The following SORCS2 variants were observed in gnomAD, a reference collection of about 807,000 sequenced individuals.
SORCS2 encodes VPS10 domain-containing receptor SorCS2.
SORCS2 carries 100 observed loss-of-function variants against 141.6 expected under a neutral mutation model. That is an observed-to-expected ratio of 0.71 (90% CI 0.60 to 0.83). SORCS2 has a LOEUF of 0.83. Ranked by LOEUF, SORCS2 falls within the 40% of genes least tolerant of loss-of-function variation. SORCS2 has a pLI of 0.00. For synonymous variants in SORCS2, 789 were observed against 676.9 expected, an observed-to-expected ratio of 1.17 and a Z score of -2.57; for missense variants, 1,646 against 1,560.2, an observed-to-expected ratio of 1.05 and a Z score of -0.93.
At chr4:7,371,264 G>A (rs974137903) in intron 1 of SORCS2, among the ~76,000 whole-genome samples, 3 of 152,078 alleles carry the variant, frequency 2.0e-5, no homozygotes, top group Admixed American at 6.5e-5. Context: ...GGCCCGTCCC[G>A]CAGCTGCCTG....
At chr4:7,335,808 T>G (rs1719946454) in intron 1 of SORCS2, among the ~76,000 whole-genome samples, 1 of 152,170 alleles carries the variant, frequency 6.6e-6, no homozygotes, top group Non-Finnish European at 1.5e-5. Context: ...CAGGCCCAAG[T>G]GGCTTAGATC....
intron 3 of SORCS2, among the ~76,000 whole-genome samples, chr4:7,555,583 C>T (rs757818996): frequency 2.0e-5 from 3 of 152,192 alleles, no homozygotes; most frequent in African/African-American, 2.4e-5. Context: ...GGTTGGGTAT[C>T]GGATGAAAAC....
rs946254488 is a variant in SORCS2 at position 7,519,126 on chromosome 4, A to G, written c.549-12404A>G. Among the ~76,000 whole-genome samples the G allele has an allele frequency of 6.6e-5, 10 of 152,214 alleles. 1 individual carries two copies. The highest frequency in any genetic ancestry group is 1.2e-4 in the Non-Finnish European group (8 of 68,038). Reference sequence around the variant, plus strand: ...CTCGCAGAGCAGCTGTAGAGCAGGCATATCTGCTGGAGGTTGACAAGGCTC... The same window carrying G: ...CTCGCAGAGCAGCTGTAGAGCAGGCGTATCTGCTGGAGGTTGACAAGGCTC... On this transcript the variant is annotated intron_variant, in intron 2 of 26. Transcript: ENST00000507866.
rs1018274338 is a variant in SORCS2, at chr4:7,201,599, C to T, written c.480+8473C>T. Among the ~76,000 whole-genome samples the T allele has an allele frequency of 4.6e-5, 7 of 152,132 alleles. No individual in the cohort carries two copies. The highest frequency in any genetic ancestry group is 8.8e-5 in the Non-Finnish European group (6 of 68,034). ...GGAGTGACGGGCGAATCAGCTGGGACGCTGCCGAGAACCCCTGTGCCTTTT... is the reference window on the plus strand; with the variant it reads ...GGAGTGACGGGCGAATCAGCTGGGATGCTGCCGAGAACCCCTGTGCCTTTT... On this transcript the variant is annotated intron_variant, in intron 1 of 26. Coordinates refer to ENST00000507866, the MANE Select transcript of SORCS2 (RefSeq NM_020777.3). The surrounding 1 kb of genome is among the most constrained non-coding windows in gnomAD (Gnocchi z 4.4).
At chr4:7,609,520 C>T (rs2108806715) in intron 3 of SORCS2, among the ~76,000 whole-genome samples, 1 of 152,344 alleles carries the variant, frequency 6.6e-6, no homozygotes, top group Non-Finnish European at 1.5e-5. Flanking sequence ...GTGGTTTCTC[C>T]TTGGTCAGTC....
chr4:7,267,154 C>A (rs79481558), intron 1 of SORCS2, among the ~76,000 whole-genome samples: 1 of 142,026 alleles, frequency 7.0e-6, no homozygotes, highest in Admixed American at 6.8e-5. Flanking sequence ...ACACTATGAC[C>A]ACCAGGGACG....
chr4:7,272,883 G>T (rs192236927), intron 1 of SORCS2, among the ~76,000 whole-genome samples: 1 of 152,346 alleles, frequency 6.6e-6, no homozygotes, highest in Non-Finnish European at 1.5e-5. Flanking sequence ...ACCAGCACAG[G>T]CTCTCCAAGA....
intron 2 of SORCS2, among the ~76,000 whole-genome samples, chr4:7,496,874 A>C (rs548192030): frequency 2.6e-5 from 4 of 152,320 alleles, no homozygotes; most frequent in African/African-American, 9.6e-5. Context: ...TTATCAAAGA[A>C]GCCAGAGCTG....
At chr4:7,531,025 G>T (rs1711590153) in intron 2 of SORCS2, among the ~76,000 whole-genome samples, 1 of 152,160 alleles carries the variant, frequency 6.6e-6, no homozygotes, top group African/African-American at 2.4e-5. Context: ...CTCCCTGGAG[G>T]AGCTCAGAGT....
At chr4:7,565,941 G>A (rs1714959153) in intron 3 of SORCS2, among the ~76,000 whole-genome samples, 1 of 147,736 alleles carries the variant, frequency 6.8e-6, no homozygotes, top group South Asian at 2.4e-4. Flanking sequence ...TGATAGTGAT[G>A]ATGGTGATGG....
intron 18 of SORCS2, among the ~76,000 whole-genome samples, chr4:7,721,163 AT>A (rs1726562196): frequency 2.0e-5 from 3 of 152,342 alleles, no homozygotes; most frequent in African/African-American, 7.2e-5. Context: ...GAAGGAATCC[AT>A]TATTAATACC....
Position 7,661,547 on chromosome 4 carries a change from C to G in SORCS2, c.935C>G (p.Ala312Gly). 1 of 1,551,934 alleles carries G rather than the reference C, an allele frequency of 6.4e-7. No homozygotes were observed. Among genetic ancestry groups the G allele is most frequent in the Non-Finnish European group, 8.7e-7 (1 of 1,147,166 alleles). ...DADPDLVHVE[A>G]QDLGGDFRYV... ...GACCCTGACTTGGTCCACGTGGAAG[C>G]CCAAGACCTCGGTGGAGGTAAGCCG... The change falls in exon 6 of 27, where the codon GCC (alanine) becomes GGC (glycine). Residue 312 changes from alanine (A) to glycine (G), a missense_variant. Transcript: ENST00000507866.
intron 2 of SORCS2, among the ~76,000 whole-genome samples, chr4:7,420,750 C>A (rs1311678333): frequency 6.6e-6 from 1 of 152,186 alleles, no homozygotes; most frequent in African/African-American, 2.4e-5. Context: ...GATTCAGGAC[C>A]CACACGGTCC....
intron 24 of SORCS2, 105 bp from the exon 25 acceptor site, chr4:7,734,167 C>CT: frequency 2.4e-6 from 1 of 421,488 alleles, no homozygotes; most frequent in Admixed American, 5.7e-5. Flanking sequence ...TGGGGATGGG[C>CT]GGGGGACAGG....
chr4:7,517,135 T>A (rs1341838161), intron 2 of SORCS2, among the ~76,000 whole-genome samples: 1 of 151,900 alleles, frequency 6.6e-6, no homozygotes, highest in Non-Finnish European at 1.5e-5. Context: ...TCTTTAGGAG[T>A]TTTCTGATCA....
chr4:7,411,946 T>C (rs1215309629), intron 2 of SORCS2, among the ~76,000 whole-genome samples: 2 of 152,176 alleles, frequency 1.3e-5, no homozygotes, highest in African/African-American at 4.8e-5. Flanking sequence ...CCACGATGCC[T>C]CTTTGTGTCT....
Position 7,648,575 on chromosome 4 carries a change from T to C in SORCS2, c.814-5559T>C, listed in dbSNP as rs563966069. On this transcript the variant is annotated intron_variant, in intron 4 of 26. Transcript: ENST00000507866. This position sits in a 1 kb window ranked among gnomAD's most constrained non-coding sequence, Gnocchi z 4.2. ...CCCTGCCCTCGTGGGGCCTCCTTTC[T>C]AGATGAGGATGGGGGCGCAGAGCAG... 6.6e-6 allele frequency among the ~76,000 whole-genome samples: 1 copy of C among 152,030 alleles called. No individual in the cohort carries two copies. Among genetic ancestry groups the C allele is most frequent in the South Asian group, 2.1e-4 (1 of 4,796 alleles).
At chr4:7,323,115 A>G (rs1447789321) in intron 1 of SORCS2, among the ~76,000 whole-genome samples, 1 of 152,230 alleles carries the variant, frequency 6.6e-6, no homozygotes, top group African/African-American at 2.4e-5. Flanking sequence ...TTATTTATGT[A>G]TTAATAACCG....
chr4:7,205,938 C>T (rs1271306376), intron 1 of SORCS2, among the ~76,000 whole-genome samples: 4 of 152,136 alleles, frequency 2.6e-5, no homozygotes, highest in African/African-American at 4.8e-5. Flanking sequence ...CCCAGCTACC[C>T]GGGAGGCTGA....
Sources: allele counts gnomAD v4.1 joint callset (sites outside exome capture counted in the v4.1 genomes callset), GRCh38; gene constraint gnomAD v4.1.1; non-coding constraint Gnocchi (gnomAD v3.1); transcripts MANE v1.5; gene names NCBI Gene and HGNC (gene_info 2026-07-23, HGNC 2026-07-21).